DENND5B: variants seen among roughly 807,000 people sequenced by gnomAD.
DENND5B encodes DENN domain containing 5B.
Under a neutral mutation model 140.6 loss-of-function variants are expected in DENND5B, and 34 were observed. That is an observed-to-expected ratio of 0.24 (90% confidence interval 0.18 to 0.32). The LOEUF (loss-of-function observed/expected upper bound fraction) is 0.32, where lower values mean the gene tolerates loss of function less well. Among genes scored for constraint, DENND5B ranks in the 10% least tolerant of loss-of-function variants. DENND5B has a pLI of 1.00. For missense variants in DENND5B, 1,142 were observed against 1,560.2 expected (o/e 0.73, Z 4.52); for synonymous variants, 551 against 562.1 (o/e 0.98, Z 0.28).
intron 1 of DENND5B, among the ~76,000 whole-genome samples, chr12:31,521,536 T>C (rs981313634): frequency 6.6e-6 from 1 of 152,262 alleles, no homozygotes; most frequent in African/African-American, 2.4e-5. Context: ...TGTATTTCAA[T>C]TAAATTTAAG....
rs937372573 is a variant in DENND5B, at chr12:31,437,815, A to G, written c.2013-4567T>C. Among the ~76,000 whole-genome samples, 11 of 152,348 alleles carry G rather than the reference A, an allele frequency of 7.2e-5. No individual in the cohort carries two copies. The East Asian group carries it at 1.7e-3, about 24-fold the overall frequency. ...CTAATGATACAGTAATAAAAAAGGT[A>G]TAACATTCTATAAACATTTTAATTT... is the stretch of plus-strand genomic sequence containing the variant. On this transcript the variant is annotated intron_variant, in intron 7 of 20. Transcript: ENST00000389082.
chr12:31,586,782 A>G (rs1478305022), intron 1 of DENND5B, among the ~76,000 whole-genome samples: 1 of 152,244 alleles, frequency 6.6e-6, no homozygotes, highest in Non-Finnish European at 1.5e-5. Flanking sequence ...GAAGTCAATT[A>G]AGACCTTCTA....
At position 31,507,495 on chromosome 12, in the gene DENND5B, G is replaced by GCAGATTATT. The variant is rs1248358458; in HGVS notation, c.128-11585_128-11577dup. Among the ~76,000 whole-genome samples the GCAGATTATT allele has an allele frequency of 8.5e-5, 13 of 152,140 alleles. No homozygotes were observed. The South Asian group carries it at 2.5e-3, about 29-fold the overall frequency. On this transcript the variant is annotated intron_variant, in intron 1 of 20. Coordinates refer to ENST00000389082, the MANE Select transcript of DENND5B (RefSeq NM_144973.4). Reference sequence around the variant, plus strand: ...TTACCACCAATCAAAGAACACAACAGCAGATTATTTACTTGCAAAAATAAC... The same window carrying GCAGATTATT: ...TTACCACCAATCAAAGAACACAACAGCAGATTATTCAGATTATTTACTTGCAAAAATAAC...
At chr12:31,460,968 C>T (rs574720516) in intron 3 of DENND5B, among the ~76,000 whole-genome samples, 3 of 152,290 alleles carry the variant, frequency 2.0e-5, no homozygotes, top group East Asian at 1.9e-4. Flanking sequence ...TCAAGCAATC[C>T]GCCTACCTCG....
rs769080287 is a variant in DENND5B, at chr12:31,480,065, T to C, written c.428A>G (p.His143Arg). 2 of 1,614,026 alleles carry C rather than the reference T, an allele frequency of 1.2e-6. No individual in the cohort carries two copies. Among genetic ancestry groups the C allele is most frequent in the Non-Finnish European group, 1.7e-6 (2 of 1,179,884 alleles). The change falls in exon 3 of 21, where the codon CAT (histidine) becomes CGT (arginine). Residue 143 changes from histidine to arginine, a missense_variant. This residue lies in a region of DENND5B where 708 missense variants were observed against 905.5 expected (regional missense o/e 0.78). Transcript: ENST00000389082. The part of the protein sequence containing the change: ...QTLYQMHNAE[H>R]YSSVYASSSC... ...AGATGAAGCATACACACTGCTGTAATGCTCAGCGTTGTGCATCTGGTAAAG... is the reference window on the plus strand; with the variant it reads ...AGATGAAGCATACACACTGCTGTAACGCTCAGCGTTGTGCATCTGGTAAAG...
At chr12:31,535,595 C>T (rs925829905) in intron 1 of DENND5B, among the ~76,000 whole-genome samples, 1 of 152,174 alleles carries the variant, frequency 6.6e-6, no homozygotes, top group Non-Finnish European at 1.5e-5. Flanking sequence ...GGTTACTGGG[C>T]TTGGGATGCC....
At position 31,389,472 on chromosome 12, in the gene DENND5B, T is replaced by G. The variant is rs1941015635; in HGVS notation, c.3493A>C (p.Thr1165Pro). ...TCTTCATTATCTAGAATCTGGTCAG[T>G]TGTTTCAAAATAAGCAACCACTTTC... ...IEKVVAYFETTDQILDNEDDV... is the reference protein window; with the variant it reads ...IEKVVAYFETPDQILDNEDDV... The change falls in exon 20 of 21, where the codon ACT becomes CCT. Residue 1165 changes from threonine to proline, a missense_variant. Around this residue, in one of 5 missense-constraint regions of DENND5B, gnomAD observed 125 missense variants for 179.0 expected, o/e 0.70. Transcript: ENST00000389082. 1 of 1,594,568 alleles carries G rather than the reference T, an allele frequency of 6.3e-7. No individual in the cohort carries two copies. The highest frequency in any genetic ancestry group is 1.8e-5 in the Admixed American group (1 of 56,508).
Position 31,591,015 on chromosome 12 carries a change from C to G in DENND5B, c.-183G>C. On this transcript the variant is annotated 5_prime_UTR_variant, in exon 1 of 21. Coordinates refer to ENST00000389082, the MANE Select transcript of DENND5B (RefSeq NM_144973.4). ...TCCTCGCTCGGCGCGGGGGAAGCGG[C>G]CGCGGGCTCGCGCGCGGCGGGTCCG... 5 of 613,878 alleles carry G rather than the reference C, an allele frequency of 8.1e-6. No homozygotes were observed. The highest frequency in any genetic ancestry group is 1.0e-5 in the Non-Finnish European group (5 of 488,342). 38.0% of individuals were successfully genotyped at this position (613,878 alleles called of 1,614,324 possible). A position where few individuals can be genotyped will look rare whatever the true frequency, so the allele number is the denominator to read the frequency against.
intron 14 of DENND5B, among the ~76,000 whole-genome samples, chr12:31,405,546 G>GTATGT (rs1016482329): frequency 9.3e-5 from 14 of 150,254 alleles, no homozygotes; most frequent in Non-Finnish European, 2.1e-4. Context: ...ATGTATGTAT[G>GTATGT]TATGTATGTA....
At chr12:31,480,403 A>G (rs992498111) in intron 2 of DENND5B, 148 bp from the exon 3 acceptor site, 1 of 775,766 alleles carries the variant, frequency 1.3e-6, no homozygotes, top group African/African-American at 1.8e-5. Flanking sequence ...TTAGAAATAT[A>G]TTATAAATTC....
At chr12:31,414,237 C>A (rs1942608096) in intron 12 of DENND5B, among the ~76,000 whole-genome samples, 1 of 152,122 alleles carries the variant, frequency 6.6e-6, no homozygotes. Flanking sequence ...GCTTTAAACC[C>A]ATACATTGTA....
chr12:31,579,366 T>C (rs1950131202), intron 1 of DENND5B, among the ~76,000 whole-genome samples: 1 of 152,226 alleles, frequency 6.6e-6, no homozygotes, highest in South Asian at 2.1e-4. Flanking sequence ...GCATTTTGTT[T>C]GAAAAGTAAT....
At chr12:31,440,327 A>C (rs940618908) in intron 7 of DENND5B, among the ~76,000 whole-genome samples, 46 of 152,132 alleles carry the variant, frequency 3.0e-4, no homozygotes, top group African/African-American at 1.1e-3. Flanking sequence ...AGTACTGGGG[A>C]GTGCCACCAG....
chr12:31,408,078 C>T (rs1256628397), intron 14 of DENND5B, among the ~76,000 whole-genome samples: 1 of 152,096 alleles, frequency 6.6e-6, no homozygotes, highest in Admixed American at 6.5e-5. Context: ...GATGGATCAC[C>T]TGAGGTCAGG....
intron 1 of DENND5B, among the ~76,000 whole-genome samples, chr12:31,526,603 T>C (rs1468055178): frequency 6.6e-6 from 1 of 152,142 alleles, no homozygotes; most frequent in African/African-American, 2.4e-5. Context: ...TCTGCAGAGA[T>C]TAGGGGAGAC....
chr12:31,569,765 T>C (rs185368488), intron 1 of DENND5B, among the ~76,000 whole-genome samples: 8 of 152,236 alleles, frequency 5.3e-5, no homozygotes, highest in East Asian at 3.9e-4. Context: ...TGAGCCATGA[T>C]TGTGTCACTG....
At chr12:31,517,345 A>C (rs1947698452) in intron 1 of DENND5B, among the ~76,000 whole-genome samples, 1 of 152,238 alleles carries the variant, frequency 6.6e-6, no homozygotes, top group Non-Finnish European at 1.5e-5. Context: ...CTGCGCTTAA[A>C]GCGGACTATG....
At chr12:31,535,065 C>T (rs1411655906) in intron 1 of DENND5B, 2 of 137,372 alleles carry the variant, frequency 1.5e-5, no homozygotes, top group Non-Finnish European at 2.3e-5. Flanking sequence ...CAGAGCAAGA[C>T]TCTGTCTCAA....
chr12:31,401,208 C>G (rs2137402056), intron 15 of DENND5B, among the ~76,000 whole-genome samples: 2 of 152,272 alleles, frequency 1.3e-5, no homozygotes, highest in South Asian at 4.1e-4. Context: ...CATGCTCTAA[C>G]TTAGGGATGA....
Sources: gnomAD v4.1 joint callset for allele counts (sites outside exome capture counted in the v4.1 genomes callset) on GRCh38, gnomAD v4.1.1 for gene constraint, gnomAD v4.1.1 regional missense constraint, MANE v1.5 for transcripts, NCBI Gene and HGNC (gene_info 2026-07-23, HGNC 2026-07-21) for gene names.